Variants in TAS2R1 observed in about 807,000 individuals in gnomAD.
TAS2R1 encodes taste receptor type 2 member 1.
For missense variants in TAS2R1, 370 were observed against 353.4 expected (o/e 1.05, Z -0.38); for synonymous variants, 141 against 134.2 (o/e 1.05, Z -0.35).
chr5:9,751,408 T>C, the TAS2R1 span, among the ~76,000 whole-genome samples: 2 of 152,024 alleles, frequency 1.3e-5, no homozygotes, highest in African/African-American at 4.8e-5. Context: ...ATATAATATA[T>C]TCTCATGAAA....
chr5:9,895,757 A>T, the TAS2R1 span, among the ~76,000 whole-genome samples: 1 of 152,230 alleles, frequency 6.6e-6, no homozygotes, highest in Non-Finnish European at 1.5e-5. Flanking sequence ...ATTTTATCAC[A>T]GACAGTGCAA....
At chr5:9,654,297 A>G (rs1554052826) in intron 2 of TAS2R1, among the ~76,000 whole-genome samples, 1 of 152,118 alleles carries the variant, frequency 6.6e-6, no homozygotes, top group Non-Finnish European at 1.5e-5. Context: ...GAAGAATAAG[A>G]ATATTTTGTG....
At chr5:9,745,213 A>T in the TAS2R1 span, among the ~76,000 whole-genome samples, 2 of 152,168 alleles carry the variant, frequency 1.3e-5, no homozygotes, top group African/African-American at 2.4e-5. Context: ...TAATATTGAC[A>T]GGAGTTGGCA....
chr5:9,752,596 C>T, the TAS2R1 span, among the ~76,000 whole-genome samples: 1 of 151,988 alleles, frequency 6.6e-6, no homozygotes, highest in African/African-American at 2.4e-5. Flanking sequence ...ATGTGCACAA[C>T]ATGCAGGTTT....
chr5:9,891,460 C>T, the TAS2R1 span, among the ~76,000 whole-genome samples: 2 of 152,072 alleles, frequency 1.3e-5, no homozygotes, highest in Non-Finnish European at 2.9e-5. Flanking sequence ...GCCAACATAA[C>T]TCACATAAGC....
the TAS2R1 span, among the ~76,000 whole-genome samples, chr5:9,852,454 G>T: frequency 6.6e-6 from 1 of 152,146 alleles, no homozygotes; most frequent in African/African-American, 2.4e-5. Context: ...GCATGTACAA[G>T]TTGAGGAAGC....
At chr5:9,777,809 G>C in the TAS2R1 span, among the ~76,000 whole-genome samples, 1 of 151,946 alleles carries the variant, frequency 6.6e-6, no homozygotes, top group African/African-American at 2.4e-5. Flanking sequence ...TGCTGTGTTA[G>C]CAGGCATGAA....
At chr5:9,796,592 C>T in the TAS2R1 span, among the ~76,000 whole-genome samples, 6 of 151,620 alleles carry the variant, frequency 4.0e-5, no homozygotes, top group African/African-American at 1.5e-4. Flanking sequence ...CAAATTTCCT[C>T]CTTCTGGGAA....
chr5:9,816,267 C>G, the TAS2R1 span, among the ~76,000 whole-genome samples: 1 of 151,970 alleles, frequency 6.6e-6, no homozygotes, highest in Non-Finnish European at 1.5e-5. Context: ...CCCTGGCATG[C>G]TATTTTTGAA....
chr5:9,647,058 C>A (rs560105971), intron 2 of TAS2R1, among the ~76,000 whole-genome samples: 2 of 152,026 alleles, frequency 1.3e-5, no homozygotes, highest in Non-Finnish European at 2.9e-5. Context: ...GGGACTGTGA[C>A]AATGATATGG....
the TAS2R1 span, among the ~76,000 whole-genome samples, chr5:9,864,144 G>A: frequency 6.6e-6 from 1 of 152,164 alleles, no homozygotes; most frequent in Non-Finnish European, 1.5e-5. Flanking sequence ...TTTCCTCAAT[G>A]GAGCAGAAGC....
At chr5:9,670,710 G>A (rs1454422385) in intron 1 of TAS2R1, among the ~76,000 whole-genome samples, 2 of 152,138 alleles carry the variant, frequency 1.3e-5, no homozygotes, top group Non-Finnish European at 1.5e-5. Flanking sequence ...TCTACCAGAT[G>A]TATAACGAAG....
At chr5:9,834,908 C>T in the TAS2R1 span, among the ~76,000 whole-genome samples, 48 of 152,276 alleles carry the variant, frequency 3.2e-4, no homozygotes, top group African/African-American at 1.1e-3. Context: ...TGCTTTACTG[C>T]TGCTTTCACA....
At chr5:9,651,782 G>C (rs1017511427) in intron 2 of TAS2R1, among the ~76,000 whole-genome samples, 2 of 152,014 alleles carry the variant, frequency 1.3e-5, no homozygotes, top group African/African-American at 4.8e-5. Context: ...AGCTCTGACT[G>C]CCACTCAGTA....
the TAS2R1 span, among the ~76,000 whole-genome samples, chr5:9,802,881 C>A: frequency 5.3e-5 from 8 of 151,976 alleles, no homozygotes; most frequent in African/African-American, 1.7e-4. Context: ...CCAGCCTGGG[C>A]AACACAGCGA....
At chr5:9,664,314 G>A (rs927656552) in intron 1 of TAS2R1, among the ~76,000 whole-genome samples, 15 of 152,114 alleles carry the variant, frequency 9.9e-5, no homozygotes, top group Non-Finnish European at 1.6e-4. Flanking sequence ...GATGTCAATT[G>A]CAAATGTAAA....
chr5:9,812,069 G>T, the TAS2R1 span, among the ~76,000 whole-genome samples: 1 of 151,800 alleles, frequency 6.6e-6, no homozygotes, highest in East Asian at 1.9e-4. Context: ...ATCTAAAGTA[G>T]GTCTCACTGT....
intron 1 of TAS2R1, among the ~76,000 whole-genome samples, chr5:9,693,759 C>G (rs1329564825): frequency 1.3e-5 from 2 of 151,606 alleles, no homozygotes; most frequent in East Asian, 3.9e-4. Context: ...GTAAGACTGC[C>G]GACTACGTTG....
chr5:9,868,834 C>T, the TAS2R1 span, among the ~76,000 whole-genome samples: 5 of 152,166 alleles, frequency 3.3e-5, no homozygotes, highest in East Asian at 1.9e-4. Flanking sequence ...CTCTCAGGTT[C>T]GAAGTTTCAC....
Sources: allele counts gnomAD v4.1 joint callset (sites outside exome capture counted in the v4.1 genomes callset), GRCh38; gene constraint gnomAD v4.1.1; transcripts MANE v1.5; gene names NCBI Gene and HGNC (gene_info 2026-07-23, HGNC 2026-07-21).